The following DLG2 variants were observed in gnomAD, a reference collection of about 807,000 sequenced individuals.
The protein encoded by DLG2 is discs large MAGUK scaffold protein 2.
DLG2 carries 45 observed loss-of-function variants against 132.5 expected under a neutral mutation model. The ratio of observed to expected loss-of-function variants is 0.34; its 90% CI spans 0.27 to 0.44. DLG2 has a LOEUF of 0.44. Among genes scored for constraint, DLG2 ranks in the 20% least tolerant of loss-of-function variants. The pLI, the probability that DLG2 is intolerant of heterozygous loss-of-function variation, is 1.00. For synonymous variants in DLG2, 424 were observed against 419.6 expected (o/e 1.01, Z -0.13); for missense variants, 1,045 against 1,196.9 (o/e 0.87, Z 1.87).
intron 3 of DLG2, among the ~76,000 whole-genome samples, chr11:85,382,188 G>T (rs182467775): frequency 3.3e-5 from 5 of 152,190 alleles, no homozygotes; most frequent in Admixed American, 2.0e-4. Flanking sequence ...GATTAATGGA[G>T]CAGAATTGAG....
intron 7 of DLG2, among the ~76,000 whole-genome samples, chr11:84,464,522 A>G (rs1297270328): frequency 6.6e-6 from 1 of 151,168 alleles, no homozygotes; most frequent in African/African-American, 2.4e-5. Flanking sequence ...AAATGGTTCT[A>G]TGATTTAACT....
At chr11:85,227,193 A>G (rs2075029158) in intron 4 of DLG2, among the ~76,000 whole-genome samples, 1 of 152,156 alleles carries the variant, frequency 6.6e-6, no homozygotes, top group African/African-American at 2.4e-5. Context: ...AGCTGAGGCT[A>G]TTACCAGAAC....
At chr11:85,439,830 C>T (rs904493589) in intron 3 of DLG2, among the ~76,000 whole-genome samples, 1 of 151,988 alleles carries the variant, frequency 6.6e-6, no homozygotes, top group Admixed American at 6.6e-5. Context: ...TAAATGTTTG[C>T]AGTAAGGAGG....
chr11:85,247,204 T>A (rs963190892), intron 4 of DLG2, among the ~76,000 whole-genome samples: 16 of 152,170 alleles, frequency 1.1e-4, no homozygotes, highest in Middle Eastern at 3.4e-3. Context: ...ATCAGTAACA[T>A]CAGAAAACTA....
intron 9 of DLG2, among the ~76,000 whole-genome samples, chr11:84,106,517 C>G (rs1320071894): frequency 6.6e-6 from 1 of 151,968 alleles, no homozygotes; most frequent in Non-Finnish European, 1.5e-5. Context: ...GTGCTTAGTC[C>G]AGGAATAAGA....
chr11:84,987,241 C>T (rs1357424041), intron 6 of DLG2, among the ~76,000 whole-genome samples: 1 of 152,104 alleles, frequency 6.6e-6, no homozygotes, highest in African/African-American at 2.4e-5. Context: ...AACTACAAAA[C>T]ACTGCTGAAA....
chr11:85,094,213 G>A (rs1327267867), intron 6 of DLG2, among the ~76,000 whole-genome samples: 1 of 152,194 alleles, frequency 6.6e-6, no homozygotes, highest in African/African-American at 2.4e-5. Flanking sequence ...CTAGAAAATA[G>A]GCAGAGTAGA....
intron 6 of DLG2, among the ~76,000 whole-genome samples, chr11:84,924,477 G>A (rs2154085799): frequency 6.6e-6 from 1 of 152,246 alleles, no homozygotes; most frequent in Admixed American, 6.5e-5. Context: ...CTCCCCTCTG[G>A]AGCCTGCAGA....
intron 7 of DLG2, among the ~76,000 whole-genome samples, chr11:84,499,221 C>T (rs760923409): frequency 3.8e-4 from 58 of 152,172 alleles, no homozygotes; most frequent in Non-Finnish European, 5.6e-4. Context: ...CACTTTTCTC[C>T]TCTATAAAAC....
At chr11:84,229,788 T>C (rs1318622449) in intron 8 of DLG2, among the ~76,000 whole-genome samples, 4 of 152,176 alleles carry the variant, frequency 2.6e-5, no homozygotes, top group Non-Finnish European at 5.9e-5. Flanking sequence ...TTTTAAATCA[T>C]CAAATGAGGA....
At chr11:85,281,307 T>G (rs1375028186) in intron 4 of DLG2, among the ~76,000 whole-genome samples, 1 of 152,038 alleles carries the variant, frequency 6.6e-6, no homozygotes, top group Non-Finnish European at 1.5e-5. Context: ...CATCAAAGTT[T>G]TGCTTCAGAA....
intron 6 of DLG2, among the ~76,000 whole-genome samples, chr11:84,755,060 A>G (rs1352283149): frequency 6.6e-6 from 1 of 152,220 alleles, no homozygotes; most frequent in East Asian, 1.9e-4. Flanking sequence ...CAGCTTCTCC[A>G]ACATATCTTT....
At chr11:85,052,750 G>A (rs565744068) in intron 6 of DLG2, among the ~76,000 whole-genome samples, 56 of 152,240 alleles carry the variant, frequency 3.7e-4, no homozygotes, top group African/African-American at 1.1e-3. Flanking sequence ...AAGCCTTCCC[G>A]TTATTTTATC....
rs564290555 is a variant in DLG2 at position 83,798,763 on chromosome 11, G to T, written c.1723-11971C>A. On this transcript the variant is annotated intron_variant, in intron 17 of 27. Transcript: ENST00000376104. ...TATTCAGAGAGACCATGGATAGGAA[G>T]ATGAACAGATGTATTACAGTGTATT... Among the ~76,000 whole-genome samples the T allele has an allele frequency of 2.6e-5, 4 of 152,288 alleles. No individual in the cohort carries two copies. In the East Asian group the frequency reaches 7.7e-4, roughly 29 times the overall value.
chr11:85,061,445 A>G (rs1246176303), intron 6 of DLG2, among the ~76,000 whole-genome samples: 1 of 151,820 alleles, frequency 6.6e-6, no homozygotes, highest in African/African-American at 2.4e-5. Flanking sequence ...TGCAACTTGA[A>G]TTTCTCAGTC....
intron 6 of DLG2, among the ~76,000 whole-genome samples, chr11:84,718,731 G>A (rs570097586): frequency 6.6e-6 from 1 of 152,302 alleles, no homozygotes; most frequent in African/African-American, 2.4e-5. Flanking sequence ...GCAGTTAGGA[G>A]AGTGAATAAA....
chr11:84,534,593 G>C lies in DLG2; in HGVS notation c.496C>G (p.Gln166Glu), dbSNP rs993091948. The change falls in exon 7 of 28, where the codon CAG (glutamine) becomes GAG (glutamate). Residue 166 changes from glutamine (Q) to glutamate (E), a missense_variant. Around this residue, in one of 4 missense-constraint regions of DLG2, gnomAD observed 277 missense variants for 238.2 expected, o/e 1.16. Transcript: ENST00000376104. ...QIENVHGYVL[Q>E]SHISPLKASP... ...ACCTTCAGAGGAGAAATATGAGACT[G>C]CAAGACATATCCATGGACATTTTCT... 1 of 1,613,896 alleles carries C rather than the reference G, an allele frequency of 6.2e-7. No homozygotes were observed. Among genetic ancestry groups the C allele is most frequent in the Non-Finnish European group, 8.5e-7 (1 of 1,179,892 alleles).
At position 84,600,230 on chromosome 11, in the gene DLG2, GAAAGA is replaced by G. The variant is rs1329722594; in HGVS notation, c.358-65504_358-65500del. On this transcript the variant is annotated intron_variant, in intron 6 of 27. Transcript: ENST00000376104. ...AAAGAAAGAAAGAAAGAAAGAGAAA[GAAAGA>G]CAGAAAAGCAAGCAAGCAAGCAGGC... Among the ~76,000 whole-genome samples the G allele has an allele frequency of 4.7e-4, 60 of 128,280 alleles. 1 individual carries two copies. Among genetic ancestry groups the G allele is most frequent in the African/African-American group, 1.2e-3 (32 of 26,138 alleles). The allele number at this position is 128,280 out of a possible 152,430, so 84.2% of individuals were successfully genotyped here. A position where few individuals can be genotyped will look rare whatever the true frequency, so the allele number is the denominator to read the frequency against.
In DLG2 at chr11:84,163,522, G is replaced by A; in HGVS notation, c.574-11C>T. ...TTCTGTCCCATTGACCTGTAAATAG[G>A]GAAAAAATAAGAAGAGAACTATTAA... On this transcript the variant is annotated splice_polypyrimidine_tract_variant and intron_variant, in intron 8 of 27. Transcript: ENST00000376104. 6.3e-7 allele frequency: 1 copy of A among 1,595,666 alleles called. No homozygotes were observed. The highest frequency in any genetic ancestry group is 1.1e-5 in the South Asian group (1 of 88,260).
Sources: allele counts gnomAD v4.1 joint callset (sites outside exome capture counted in the v4.1 genomes callset), GRCh38; gene constraint gnomAD v4.1.1; regional missense constraint gnomAD v4.1.1; transcripts MANE v1.5; gene names NCBI Gene and HGNC (gene_info 2026-07-23, HGNC 2026-07-21).